OXR1: variants seen among roughly 807,000 people sequenced by gnomAD.
The protein encoded by OXR1 is oxidation resistance protein 1.
Under a neutral mutation model 104.6 loss-of-function variants are expected in OXR1, and 41 were observed. The ratio of observed to expected loss-of-function variants is 0.39; its 90% CI spans 0.31 to 0.51. The LOEUF is 0.51. OXR1 is among the 20% of genes least tolerant of loss of function. OXR1 has a pLI of 0.77. For missense variants in OXR1, 955 were observed against 1,031.9 expected (o/e 0.93, Z 1.02); for synonymous variants, 348 against 348.4 (o/e 1.00, Z 0.01).
At chr8:106,430,773 T>C (rs1036065562) in intron 2 of OXR1, among the ~76,000 whole-genome samples, 3 of 152,198 alleles carry the variant, frequency 2.0e-5, no homozygotes, top group Non-Finnish European at 2.9e-5. Flanking sequence ...TTTTGCAGTC[T>C]GCTTGCTAGT....
At chr8:106,448,056 G>A in intron 2 of OXR1, 1 of 1,535,782 alleles carries the variant, frequency 6.5e-7, no homozygotes, top group Non-Finnish European at 8.7e-7. Flanking sequence ...AGGGTAGGTG[G>A]GATCTATCAG....
At chr8:106,380,816 T>C (rs1274999573) in intron 2 of OXR1, among the ~76,000 whole-genome samples, 1 of 152,216 alleles carries the variant, frequency 6.6e-6, no homozygotes, top group Non-Finnish European at 1.5e-5. Context: ...TGTATTTCAT[T>C]ATGGAATTAT....
chr8:106,406,095 G>T (rs1459120141), intron 2 of OXR1, among the ~76,000 whole-genome samples: 1 of 152,066 alleles, frequency 6.6e-6, no homozygotes, highest in Non-Finnish European at 1.5e-5. Flanking sequence ...ACATACTTGG[G>T]ATTCTCCTGT....
At chr8:106,535,545 T>G (rs1229994175) in intron 3 of OXR1, among the ~76,000 whole-genome samples, 2 of 152,182 alleles carry the variant, frequency 1.3e-5, no homozygotes, top group Non-Finnish European at 2.9e-5. Context: ...GAGATAAATC[T>G]CTGTTTCTCT....
chr8:106,563,296 C>CAAAAAAAAAAAAAAA (rs145929849), intron 3 of OXR1, among the ~76,000 whole-genome samples: 8 of 125,764 alleles, frequency 6.4e-5, no homozygotes, highest in East Asian at 2.5e-4. Context: ...AAATGGAAAG[C>CAAAAAAAAAAAAAAA]AAAAAAAAAA....
intron 1 of OXR1, among the ~76,000 whole-genome samples, chr8:106,356,575 T>C (rs564863940): frequency 6.6e-6 from 1 of 152,242 alleles, no homozygotes; most frequent in East Asian, 1.9e-4. Flanking sequence ...AGCAAACAAT[T>C]CTCCACTTAT....
chr8:106,553,433 C>T (rs1586801562), intron 3 of OXR1, among the ~76,000 whole-genome samples: 1 of 151,690 alleles, frequency 6.6e-6, no homozygotes, highest in Non-Finnish European at 1.5e-5. Context: ...ATCCTCACAC[C>T]TCAGCCTCCC....
At chr8:106,335,017 C>T (rs1362494178) in intron 1 of OXR1, among the ~76,000 whole-genome samples, 1 of 133,752 alleles carries the variant, frequency 7.5e-6, no homozygotes, top group Non-Finnish European at 1.5e-5. Flanking sequence ...ACATCAGACA[C>T]ATACATTGAC....
chr8:106,288,591 CCATATA>C (rs1365542979), intron 1 of OXR1, among the ~76,000 whole-genome samples: 2 of 106,626 alleles, frequency 1.9e-5, no homozygotes, highest in Non-Finnish European at 3.3e-5. Context: ...TATATACACA[CCATATA>C]TATACTCTCT....
At chr8:106,372,587 C>T (rs1320367013) in intron 2 of OXR1, among the ~76,000 whole-genome samples, 1 of 152,032 alleles carries the variant, frequency 6.6e-6, no homozygotes, top group Non-Finnish European at 1.5e-5. Flanking sequence ...TACACCTGAC[C>T]TTATGTGATG....
Position 106,453,733 on chromosome 8 carries a change from A to G in OXR1, c.24-65210A>G, listed in dbSNP as rs372353739. Among the ~76,000 whole-genome samples the G allele has an allele frequency of 1.6e-4, 25 of 152,298 alleles. No individual in the cohort carries two copies. The East Asian group carries it at 2.3e-3, about 14-fold the overall frequency. ...CCAGGCCTTTCAGCCATAATTCAGG[A>G]CCTGAGCCTGTAAGCACTGTAAGAT... is the stretch of plus-strand genomic sequence containing the variant. On this transcript the variant is annotated intron_variant, in intron 2 of 16. Coordinates refer to ENST00000517566, the MANE Select transcript of OXR1 (RefSeq NM_001198533.2).
chr8:106,382,682 GTTTTTTTTTTTTT>G (rs35296978), intron 2 of OXR1, among the ~76,000 whole-genome samples: 1 of 86,190 alleles, frequency 1.2e-5, no homozygotes, highest in Non-Finnish European at 2.2e-5. Context: ...AGAACTATAG[GTTTTTTTTTTTTT>G]TTTTTTTTTT....
intron 2 of OXR1, among the ~76,000 whole-genome samples, chr8:106,457,658 C>A (rs548452657): frequency 1.2e-4 from 13 of 105,902 alleles, no homozygotes; most frequent in African/African-American, 7.7e-4. Context: ...TATAGGGAAA[C>A]CTAAATCTTC....
At chr8:106,536,392 A>G (rs1330950784) in intron 3 of OXR1, among the ~76,000 whole-genome samples, 2 of 152,082 alleles carry the variant, frequency 1.3e-5, no homozygotes, top group Non-Finnish European at 2.9e-5. Context: ...TAGCAAGGCT[A>G]TGAATTTGCA....
chr8:106,647,445 A>C (rs138440573), intron 3 of OXR1, among the ~76,000 whole-genome samples: 35 of 152,314 alleles, frequency 2.3e-4, no homozygotes, highest in African/African-American at 7.9e-4. Context: ...ACATATGATA[A>C]GGAATTTGAA....
intron 1 of OXR1, among the ~76,000 whole-genome samples, chr8:106,339,519 AATATATATATATATAT>A (rs756741127): frequency 0.075 from 2,428 of 32,438 alleles, 77 homozygotes; most frequent in African/African-American, 0.1. Flanking sequence ...AAAAAAAAAA[AATATATATATATATAT>A]ATATATATAT....
At chr8:106,522,506 T>C (rs1443146244) in intron 3 of OXR1, among the ~76,000 whole-genome samples, 4 of 152,204 alleles carry the variant, frequency 2.6e-5, no homozygotes, top group Admixed American at 2.6e-4. Flanking sequence ...AGCCTACAGA[T>C]ATGGAGGGAT....
chr8:106,410,965 T>A (rs889798680), intron 2 of OXR1, among the ~76,000 whole-genome samples: 1 of 152,162 alleles, frequency 6.6e-6, no homozygotes, highest in African/African-American at 2.4e-5. Flanking sequence ...TACACCATTA[T>A]TGAGTTTCTG....
At chr8:106,395,662 A>G (rs1017275253) in intron 2 of OXR1, among the ~76,000 whole-genome samples, 2 of 152,140 alleles carry the variant, frequency 1.3e-5, no homozygotes, top group African/African-American at 2.4e-5. Flanking sequence ...ACATAAAAGT[A>G]TAGATATGTG....
Sources: allele counts gnomAD v4.1 joint callset (sites outside exome capture counted in the v4.1 genomes callset), GRCh38; gene constraint gnomAD v4.1.1; transcripts MANE v1.5; gene names NCBI Gene and HGNC (gene_info 2026-07-23, HGNC 2026-07-21).